The following MAGI2 variants were observed in gnomAD, a reference collection of about 807,000 sequenced individuals.
MAGI2 encodes membrane-associated guanylate kinase, WW and PDZ domain-containing protein 2.
MAGI2 carries 35 observed loss-of-function variants against 133.3 expected under a neutral mutation model. The observed-to-expected ratio is 0.26, with a 90% CI of 0.20 to 0.35. MAGI2 has a LOEUF of 0.35. MAGI2 is among the 10% of genes least tolerant of loss of function. The pLI is 1.00. For missense variants in MAGI2, 1,636 were observed against 1,863.4 expected (o/e 0.88, Z 2.25); for synonymous variants, 729 against 710.6 (o/e 1.03, Z -0.41).
rs368448764 is a variant in MAGI2, at chr7:78,521,976, C to G, written c.539-331G>C. On this transcript the variant is annotated intron_variant, in intron 3 of 21. Transcript: ENST00000354212. ...ATTATCCGAATTTTTTATAACAAGA[C>G]TTGATTATAACCTTTTAAAAAATAA... Among the ~76,000 whole-genome samples the G allele has an allele frequency of 1.8e-4, 27 of 152,242 alleles. 1 individual carries two copies. In the East Asian group the frequency reaches 2.1e-3, roughly 12 times the overall value.
intron 6 of MAGI2, among the ~76,000 whole-genome samples, chr7:78,426,426 A>G (rs1053774509): frequency 6.6e-6 from 1 of 152,040 alleles, no homozygotes; most frequent in Non-Finnish European, 1.5e-5. Context: ...TGGACACAGG[A>G]AGGGGAACAT....
chr7:78,850,931 A>G (rs1793073891), intron 2 of MAGI2, among the ~76,000 whole-genome samples: 1 of 152,122 alleles, frequency 6.6e-6, no homozygotes, highest in African/African-American at 2.4e-5. Flanking sequence ...TTAAAGGAAA[A>G]AAAGCCATTT....
At chr7:78,269,540 A>ATGAGCTT (rs147970222) in intron 9 of MAGI2, among the ~76,000 whole-genome samples, 28,870 of 151,816 alleles carry the variant, frequency 0.19, 3,159 homozygotes, top group South Asian at 0.31. Flanking sequence ...ACCAGTGATG[A>ATGAGCTT]TGAGCTTTTT....
chr7:78,356,871 G>A (rs1238228048), intron 7 of MAGI2, among the ~76,000 whole-genome samples: 1 of 152,214 alleles, frequency 6.6e-6, no homozygotes, highest in Non-Finnish European at 1.5e-5. Flanking sequence ...ATGAGTCTGA[G>A]TGGTCCTTCT....
Position 78,831,259 on chromosome 7 carries a change from T to A in MAGI2, c.418+175831A>T, listed in dbSNP as rs116974472. 5.9e-3 allele frequency among the ~76,000 whole-genome samples: 903 copies of A among 152,280 alleles called. 28 individuals carry two copies. The highest frequency in any genetic ancestry group is 0.042 in the Admixed American group (637 of 15,292). On this transcript the variant is annotated intron_variant, in intron 2 of 21. Coordinates refer to ENST00000354212, the MANE Select transcript of MAGI2 (RefSeq NM_012301.4). ...TCTTCAAAACTCCTCCTTCCAAGAA[T>A]AGGTTAGATTTCCACATACTATTGG...
chr7:78,320,551 G>A (rs189121006), intron 9 of MAGI2, among the ~76,000 whole-genome samples: 2 of 152,088 alleles, frequency 1.3e-5, no homozygotes, highest in Non-Finnish European at 1.5e-5. Context: ...ATGCAGAAAA[G>A]GCCTTTGACA....
intron 8 of MAGI2, among the ~76,000 whole-genome samples, chr7:78,344,735 T>C (rs1487812769): frequency 1.3e-5 from 2 of 152,212 alleles, no homozygotes; most frequent in Non-Finnish European, 2.9e-5. Context: ...TGTCACAATA[T>C]GTTGATAGAT....
chr7:78,982,238 A>G (rs1360022362), intron 2 of MAGI2, among the ~76,000 whole-genome samples: 2 of 151,960 alleles, frequency 1.3e-5, no homozygotes. Flanking sequence ...ATTATATTTT[A>G]ACTAGCAATT....
At chr7:79,297,671 A>G (rs1249969293) in intron 1 of MAGI2, among the ~76,000 whole-genome samples, 4 of 152,366 alleles carry the variant, frequency 2.6e-5, no homozygotes, top group Admixed American at 2.6e-4. Context: ...ACTGAATAAT[A>G]TAAATCCAGA....
intron 14 of MAGI2, among the ~76,000 whole-genome samples, chr7:78,174,397 G>T (rs1353396407): frequency 6.6e-6 from 1 of 152,186 alleles, no homozygotes; most frequent in African/African-American, 2.4e-5. Context: ...TTCTAGATGG[G>T]TTTACCCTTA....
intron 6 of MAGI2, among the ~76,000 whole-genome samples, chr7:78,376,837 A>G (rs961234472): frequency 3.3e-5 from 5 of 152,138 alleles, no homozygotes; most frequent in Admixed American, 2.0e-4. Context: ...AAGACTTAGC[A>G]AGAGTCGTCC....
At chr7:78,331,061 C>A (rs1299554314) in intron 9 of MAGI2, among the ~76,000 whole-genome samples, 5 of 152,186 alleles carry the variant, frequency 3.3e-5, no homozygotes, top group Non-Finnish European at 7.3e-5. Flanking sequence ...TCCTTTGCAG[C>A]AACATGGATG....
chr7:78,712,621 A>G (rs1280525962), intron 2 of MAGI2, among the ~76,000 whole-genome samples: 4 of 152,300 alleles, frequency 2.6e-5, no homozygotes, highest in African/African-American at 9.6e-5. Context: ...ATCAAAATAT[A>G]CAAAAGAGTA....
At chr7:78,774,516 G>T (rs922334047) in intron 2 of MAGI2, among the ~76,000 whole-genome samples, 1 of 152,168 alleles carries the variant, frequency 6.6e-6, no homozygotes, top group African/African-American at 2.4e-5. Flanking sequence ...TCCTGAACCA[G>T]CTTTCTTTTC....
chr7:78,926,518 C>T (rs1799705197), intron 2 of MAGI2, among the ~76,000 whole-genome samples: 1 of 152,084 alleles, frequency 6.6e-6, no homozygotes, highest in Admixed American at 6.6e-5. Context: ...CATACAGTTC[C>T]TGTCTTTCTT....
chr7:78,984,113 G>A (rs1341777412), intron 2 of MAGI2, among the ~76,000 whole-genome samples: 1 of 151,888 alleles, frequency 6.6e-6, no homozygotes, highest in Non-Finnish European at 1.5e-5. Flanking sequence ...ATGTTAACTC[G>A]TTACTTTTTC....
At chr7:78,356,735 C>A (rs1377961338) in intron 7 of MAGI2, among the ~76,000 whole-genome samples, 1 of 152,180 alleles carries the variant, frequency 6.6e-6, no homozygotes, top group African/African-American at 2.4e-5. Flanking sequence ...GAAAGGGGTA[C>A]ACTTCTCACC....
intron 20 of MAGI2, among the ~76,000 whole-genome samples, chr7:78,082,801 G>A (rs1406636885): frequency 6.6e-6 from 1 of 152,134 alleles, no homozygotes; most frequent in Non-Finnish European, 1.5e-5. Flanking sequence ...ACGGGGACCT[G>A]GTTTCAATGG....
intron 1 of MAGI2, among the ~76,000 whole-genome samples, chr7:79,075,143 T>C (rs529861115): frequency 2.8e-4 from 43 of 152,314 alleles, no homozygotes; most frequent in African/African-American, 9.9e-4. Context: ...TCTTCTCTCT[T>C]TTTATTCAGT....
Sources: allele counts gnomAD v4.1 joint callset (sites outside exome capture counted in the v4.1 genomes callset), GRCh38; gene constraint gnomAD v4.1.1; transcripts MANE v1.5; gene names NCBI Gene and HGNC (gene_info 2026-07-23, HGNC 2026-07-21).